PLD5: variants seen among roughly 807,000 people sequenced by gnomAD.
PLD5 encodes the protein phospholipase D family member 5.
A neutral mutation model predicts 61.1 loss-of-function variants in PLD5; 36 were observed. That is an observed-to-expected ratio of 0.59 (90% CI 0.45 to 0.78). The LOEUF (loss-of-function observed/expected upper bound fraction) is 0.78. PLD5 is among the 30% of genes least tolerant of loss of function. The probability of loss-of-function intolerance (pLI) is 0.00; values close to 1 mark genes in which losing one functional copy is unlikely to be tolerated. For synonymous variants in PLD5, 243 were observed against 242.8 expected (o/e 1.00, Z -0.01); for missense variants, 515 against 644.4 (o/e 0.80, Z 2.17).
At chr1:242,478,563 C>T (rs1667670134) in intron 1 of PLD5, among the ~76,000 whole-genome samples, 1 of 152,108 alleles carries the variant, frequency 6.6e-6, no homozygotes, top group Non-Finnish European at 1.5e-5. Flanking sequence ...ATGTGAAGAT[C>T]GTAAGTGTGT....
chr1:242,376,773 C>G (rs562000784), intron 1 of PLD5: 19 of 761,406 alleles, frequency 2.5e-5, no homozygotes, highest in East Asian at 1.7e-4. Context: ...ATATATACGA[C>G]GAGGTGAAGG....
intron 9 of PLD5, among the ~76,000 whole-genome samples, chr1:242,098,415 C>A (rs1161501592): frequency 6.6e-6 from 1 of 152,214 alleles, no homozygotes; most frequent in East Asian, 1.9e-4. Flanking sequence ...TCCATCAGAT[C>A]CTTTAAGGAC....
chr1:242,148,030 C>A (rs1225795863), intron 5 of PLD5, among the ~76,000 whole-genome samples: 1 of 152,052 alleles, frequency 6.6e-6, no homozygotes, highest in Non-Finnish European at 1.5e-5. Context: ...TGATAAAATT[C>A]AATGTATCCA....
At chr1:242,458,668 AC>A (rs1667017653) in intron 1 of PLD5, among the ~76,000 whole-genome samples, 1 of 152,248 alleles carries the variant, frequency 6.6e-6, no homozygotes, top group Admixed American at 6.5e-5. Context: ...GTTGTGTTAA[AC>A]CACCATATAT....
In PLD5 at chr1:242,124,483, A is replaced by T. The variant is rs1662630479; in HGVS notation, c.918T>A (p.Ser306=). ...KLQLQLNETK[S]QAFVSNSPKL... is the part of the protein sequence containing the mutation. ...AACAACTCACCGATACAAATGCTTG[A>T]GATTTGGTTTCATTCAACTGAAGTT... is the stretch of plus-strand genomic sequence containing the variant. The change falls in exon 6 of 10, where the codon TCT becomes TCA. Residue 306 remains serine, a synonymous_variant. Coordinates refer to ENST00000536534, the MANE Select transcript of PLD5 (RefSeq NM_001372062.1). 6.2e-7 allele frequency: 1 copy of T among 1,613,604 alleles called. No homozygotes were observed.
At chr1:242,395,742 A>G (rs1171481686) in intron 1 of PLD5, among the ~76,000 whole-genome samples, 1 of 152,126 alleles carries the variant, frequency 6.6e-6, no homozygotes, top group Non-Finnish European at 1.5e-5. Flanking sequence ...AGCAAGGGGG[A>G]CTGACTGAGT....
intron 1 of PLD5, among the ~76,000 whole-genome samples, chr1:242,522,528 A>G (rs1669312238): frequency 6.6e-6 from 1 of 152,264 alleles, no homozygotes; most frequent in Non-Finnish European, 1.5e-5. Flanking sequence ...GAAATAGACC[A>G]GCTAAAAGCA....
chr1:242,452,786 A>T (rs1465681516), intron 1 of PLD5, among the ~76,000 whole-genome samples: 2 of 152,178 alleles, frequency 1.3e-5, no homozygotes, highest in African/African-American at 4.8e-5. Context: ...ACTGCACACC[A>T]GCCTGGGTGG....
intron 2 of PLD5, among the ~76,000 whole-genome samples, chr1:242,296,265 T>G (rs767734933): frequency 6.6e-6 from 1 of 152,246 alleles, no homozygotes; most frequent in Non-Finnish European, 1.5e-5. Flanking sequence ...TCCTTATAAA[T>G]TCTGGATATT....
chr1:242,302,296 C>T (rs182650032), intron 2 of PLD5, among the ~76,000 whole-genome samples: 3 of 152,320 alleles, frequency 2.0e-5, no homozygotes, highest in East Asian at 1.9e-4. Flanking sequence ...ACTGCATTTG[C>T]GTTCCCATGA....
At chr1:242,135,962 C>T (rs2574675) in intron 5 of PLD5, among the ~76,000 whole-genome samples, 100,858 of 152,088 alleles carry the variant, frequency 0.66, 33,878 homozygotes, top group African/African-American at 0.75. Flanking sequence ...AGCATTGGCT[C>T]TCCTTCTTTA....
At chr1:242,319,593 C>T (rs552619264) in intron 2 of PLD5, among the ~76,000 whole-genome samples, 1 of 152,158 alleles carries the variant, frequency 6.6e-6, no homozygotes, top group Non-Finnish European at 1.5e-5. Context: ...AATTTTCCCA[C>T]AAGGGAATTC....
In PLD5 at chr1:242,448,030, A is replaced by ATTAT. The variant is rs538224233; in HGVS notation, c.189+76054_189+76057dup. Among the ~76,000 whole-genome samples the ATTAT allele has an allele frequency of 7.4e-3, 1,121 of 152,258 alleles. 18 individuals carry two copies. Among genetic ancestry groups the ATTAT allele is most frequent in the African/African-American group, 0.023 (971 of 41,544 alleles). On this transcript the variant is annotated intron_variant, in intron 1 of 9. Coordinates refer to ENST00000536534, the MANE Select transcript of PLD5 (RefSeq NM_001372062.1). ...TTTAATCCTCATGCTAGATATGTGC[A>ATTAT]TTATTTATTTATTTATTTATTTATT... is the stretch of plus-strand genomic sequence containing the variant.
chr1:242,331,581 A>G (rs1442927689), intron 2 of PLD5, among the ~76,000 whole-genome samples: 1 of 152,196 alleles, frequency 6.6e-6, no homozygotes, highest in African/African-American at 2.4e-5. Context: ...CTCTGAAAAC[A>G]TAATTGCTAA....
upstream of PLD5, among the ~76,000 whole-genome samples, chr1:242,528,277 T>A (rs1337524193): frequency 6.6e-6 from 1 of 152,210 alleles, no homozygotes; most frequent in African/African-American, 2.4e-5. Context: ...CATGAGAAAT[T>A]TCTGTATAAA....
chr1:242,107,284 T>A (rs1661134302), intron 8 of PLD5, among the ~76,000 whole-genome samples: 1 of 152,146 alleles, frequency 6.6e-6, no homozygotes, highest in Admixed American at 6.5e-5. Flanking sequence ...AGGACCAGCC[T>A]GGGCAACATG....
chr1:242,244,381 AG>A (rs1316194255), intron 4 of PLD5, among the ~76,000 whole-genome samples: 2 of 152,224 alleles, frequency 1.3e-5, no homozygotes, highest in African/African-American at 4.8e-5. Context: ...GGGGACAAAG[AG>A]GAGACAACAC....
At chr1:242,261,197 G>A (rs926973403) in intron 4 of PLD5, among the ~76,000 whole-genome samples, 18 of 152,244 alleles carry the variant, frequency 1.2e-4, no homozygotes, top group East Asian at 5.8e-4. Context: ...GAGAAAATAC[G>A]GTAAAGAATT....
intron 5 of PLD5, among the ~76,000 whole-genome samples, chr1:242,157,639 G>T (rs1039914504): frequency 1.3e-5 from 2 of 152,168 alleles, no homozygotes; most frequent in Non-Finnish European, 2.9e-5. Context: ...TCCAGACCCT[G>T]TTTGCCTGGG....
Sources: gnomAD v4.1 joint callset for allele counts (sites outside exome capture counted in the v4.1 genomes callset) on GRCh38, gnomAD v4.1.1 for gene constraint, MANE v1.5 for transcripts, NCBI Gene and HGNC (gene_info 2026-07-23, HGNC 2026-07-21) for gene names.